The following ANKS1B variants were observed in gnomAD, a reference collection of about 807,000 sequenced individuals.
ANKS1B encodes ankyrin repeat and sterile alpha motif domain-containing protein 1B.
ANKS1B carries 36 observed loss-of-function variants against 148.3 expected under a neutral mutation model. The observed-to-expected ratio is 0.24, with a 90% CI of 0.19 to 0.32. The LOEUF (loss-of-function observed/expected upper bound fraction) is 0.32, where lower values mean the gene tolerates loss of function less well. Among genes scored for constraint, ANKS1B ranks in the 10% least tolerant of loss-of-function variants. ANKS1B has a pLI of 1.00. For missense variants in ANKS1B, 1,157 were observed against 1,542.6 expected, an observed-to-expected ratio of 0.75 and a Z score of 4.19; for synonymous variants, 542 against 560.8, an observed-to-expected ratio of 0.97 and a Z score of 0.47.
chr12:99,555,209 T>C (rs2097263385), intron 9 of ANKS1B, among the ~76,000 whole-genome samples: 1 of 152,082 alleles, frequency 6.6e-6, no homozygotes, highest in South Asian at 2.1e-4. Context: ...GTAGCTCCAT[T>C]TTAAGTTCTG....
intron 15 of ANKS1B, among the ~76,000 whole-genome samples, chr12:99,120,047 C>T (rs1287147095): frequency 1.3e-5 from 2 of 152,172 alleles, no homozygotes; most frequent in East Asian, 1.9e-4. Context: ...AGTTCAAGGT[C>T]GCCTGTCCCG....
intron 17 of ANKS1B, among the ~76,000 whole-genome samples, chr12:99,015,016 G>A (rs973970555): frequency 3.3e-5 from 5 of 152,148 alleles, no homozygotes; most frequent in African/African-American, 1.2e-4. Flanking sequence ...CCCACTACTG[G>A]TTATATACCC....
intron 10 of ANKS1B, among the ~76,000 whole-genome samples, chr12:99,464,763 A>G (rs1182534210): frequency 1.3e-5 from 2 of 152,192 alleles, no homozygotes; most frequent in Admixed American, 6.5e-5. Flanking sequence ...AAATAAATGA[A>G]CAAAGCCTCC....
Position 98,880,907 on chromosome 12 carries a change from C to G in ANKS1B, c.2779-48771G>C, listed in dbSNP as rs180701449. Among the ~76,000 whole-genome samples the G allele has an allele frequency of 2.0e-4, 31 of 152,112 alleles. 1 individual carries two copies. Among genetic ancestry groups the G allele is most frequent in the African/African-American group, 7.2e-4 (30 of 41,494 alleles). ...TACTGGAAGGAGAGAGAGAAAGACCCTAATGAAATCTTGCAGTAAATTCTA... is the reference window on the plus strand; with the variant it reads ...TACTGGAAGGAGAGAGAGAAAGACCGTAATGAAATCTTGCAGTAAATTCTA... On this transcript the variant is annotated intron_variant, in intron 17 of 26. Coordinates refer to ENST00000683438, the MANE Select transcript of ANKS1B (RefSeq NM_001352186.2).
chr12:99,910,929 T>G (rs183868209), intron 1 of ANKS1B, among the ~76,000 whole-genome samples: 1 of 152,208 alleles, frequency 6.6e-6, no homozygotes, highest in Non-Finnish European at 1.5e-5. Context: ...TATCAAGTAC[T>G]CATTTAGTTC....
chr12:99,879,906 A>T (rs921517728), intron 1 of ANKS1B, among the ~76,000 whole-genome samples: 25 of 152,310 alleles, frequency 1.6e-4, no homozygotes, highest in Admixed American at 1.0e-3. Context: ...CAACCAGATC[A>T]TGCACGACCA....
intron 1 of ANKS1B, among the ~76,000 whole-genome samples, chr12:99,920,646 G>A (rs1012389179): frequency 6.6e-6 from 1 of 152,084 alleles, no homozygotes; most frequent in South Asian, 2.1e-4. Context: ...AAAGCCGGTG[G>A]TGCGATTCAG....
chr12:99,954,549 T>C (rs2095283524), intron 1 of ANKS1B, among the ~76,000 whole-genome samples: 1 of 152,250 alleles, frequency 6.6e-6, no homozygotes, highest in Non-Finnish European at 1.5e-5. Context: ...TTACTTTTGG[T>C]CCTGATTCCT....
chr12:99,418,558 G>T (rs1327428690), intron 11 of ANKS1B, among the ~76,000 whole-genome samples: 1 of 152,062 alleles, frequency 6.6e-6, no homozygotes, highest in Non-Finnish European at 1.5e-5. Flanking sequence ...GCTTGCTTCG[G>T]ATTTCTACGA....
chr12:99,730,887 A>G (rs2059074635), intron 8 of ANKS1B, among the ~76,000 whole-genome samples: 1 of 152,134 alleles, frequency 6.6e-6, no homozygotes, highest in Non-Finnish European at 1.5e-5. Flanking sequence ...GAGACATTAA[A>G]TGGTATGTTG....
chr12:99,597,012 T>C (rs2097763624), intron 9 of ANKS1B, among the ~76,000 whole-genome samples: 2 of 151,960 alleles, frequency 1.3e-5, no homozygotes, highest in South Asian at 2.1e-4. Context: ...ACACAAACTA[T>C]TTTATTGAAA....
chr12:99,893,522 A>G (rs913051136), intron 1 of ANKS1B, among the ~76,000 whole-genome samples: 11 of 152,090 alleles, frequency 7.2e-5, no homozygotes, highest in African/African-American at 2.2e-4. Context: ...AGTTTTTACT[A>G]TATGTTACCT....
chr12:99,394,966 C>A (rs1176504490), intron 12 of ANKS1B, among the ~76,000 whole-genome samples: 1 of 152,180 alleles, frequency 6.6e-6, no homozygotes, highest in Non-Finnish European at 1.5e-5. Context: ...ATAGGAAATT[C>A]ATTCTTACAG....
At chr12:99,069,196 C>G (rs904385227) in intron 16 of ANKS1B, among the ~76,000 whole-genome samples, 2 of 152,146 alleles carry the variant, frequency 1.3e-5, no homozygotes, top group African/African-American at 4.8e-5. Flanking sequence ...GTTGCTCTAG[C>G]TTCCTTTCAT....
chr12:99,854,635 G>A (rs1451205995), intron 1 of ANKS1B, among the ~76,000 whole-genome samples: 1 of 152,088 alleles, frequency 6.6e-6, no homozygotes, highest in Non-Finnish European at 1.5e-5. Context: ...AGAATCTTAA[G>A]AGCTGTGAGG....
intron 1 of ANKS1B, among the ~76,000 whole-genome samples, chr12:99,886,374 T>G (rs2092821519): frequency 6.6e-6 from 1 of 152,246 alleles, no homozygotes; most frequent in Non-Finnish European, 1.5e-5. Context: ...TCTGAAACAC[T>G]GGTGAATATT....
chr12:99,667,353 A>AAAAG lies in ANKS1B; in HGVS notation c.1129-12144_1129-12143insCTTT, dbSNP rs374474811. Among the ~76,000 whole-genome samples, 666 of 148,184 alleles carry AAAAG rather than the reference A, an allele frequency of 4.5e-3. 7 individuals are homozygous for AAAAG. The highest frequency in any genetic ancestry group is 0.016 in the African/African-American group (627 of 38,854). On this transcript the variant is annotated intron_variant, in intron 8 of 26. Coordinates refer to ENST00000683438, the MANE Select transcript of ANKS1B (RefSeq NM_001352186.2). ...GACAGAGCGAGACTCTGTCTCAAAA[A>AAAAG]AAAAGAAAAGAAAAGAAAAGAAAAG...
chr12:98,858,864 T>C (rs1002151469), intron 17 of ANKS1B, among the ~76,000 whole-genome samples: 1 of 152,196 alleles, frequency 6.6e-6, no homozygotes, highest in Non-Finnish European at 1.5e-5. Flanking sequence ...TCAATTTTCT[T>C]TGAAAAGGCA....
At chr12:98,971,474 G>A (rs955812630) in intron 17 of ANKS1B, among the ~76,000 whole-genome samples, 1 of 152,290 alleles carries the variant, frequency 6.6e-6, no homozygotes, top group Middle Eastern at 3.4e-3. Context: ...TTGTCATTAT[G>A]ATTAAAAATC....
Sources: gnomAD v4.1 joint callset for allele counts (sites outside exome capture counted in the v4.1 genomes callset) on GRCh38, gnomAD v4.1.1 for gene constraint, MANE v1.5 for transcripts, NCBI Gene and HGNC (gene_info 2026-07-23, HGNC 2026-07-21) for gene names.